Variants in CD47 observed in about 807,000 individuals in gnomAD.
CD47 encodes the protein CD47 molecule, also known as leukocyte surface antigen CD47.
Under a neutral mutation model 44.6 loss-of-function variants are expected in CD47, and 11 were observed. The ratio of observed to expected loss-of-function variants is 0.25; its 90% confidence interval spans 0.16 to 0.41. CD47 has a LOEUF of 0.41. Among genes scored for constraint, CD47 ranks in the 10% least tolerant of loss-of-function variants. The probability of loss-of-function intolerance (pLI) is 1.00; values close to 1 mark genes in which losing one functional copy is unlikely to be tolerated. For missense variants in CD47, 306 were observed against 386.7 expected (o/e 0.79, Z 1.75); for synonymous variants, 140 against 136.3 (o/e 1.03, Z -0.19).
chr3:108,084,613 C>G (rs2079482700), intron 1 of CD47, among the ~76,000 whole-genome samples: 1 of 152,090 alleles, frequency 6.6e-6, no homozygotes, highest in Non-Finnish European at 1.5e-5. Flanking sequence ...CTGTGCACTT[C>G]CACTTGGATG....
intron 3 of CD47, among the ~76,000 whole-genome samples, chr3:108,070,530 G>A (rs983352279): frequency 6.6e-6 from 1 of 152,154 alleles, no homozygotes; most frequent in East Asian, 1.9e-4. Context: ...GTCTGGTTAC[G>A]TTACTATTAT....
chr3:108,049,976 G>C (rs560943470), intron 9 of CD47, among the ~76,000 whole-genome samples: 1 of 152,180 alleles, frequency 6.6e-6, no homozygotes, highest in South Asian at 2.1e-4. Flanking sequence ...CTCTACTAGG[G>C]GGTGCCATGC....
chr3:108,077,829 T>C (rs59866026), intron 2 of CD47, among the ~76,000 whole-genome samples: 33,876 of 152,092 alleles, frequency 0.22, 3,897 homozygotes, highest in Admixed American at 0.25. Flanking sequence ...TATCATTCCA[T>C]TTATATAGCA....
chr3:108,075,744 A>C (rs1281360822), intron 2 of CD47, among the ~76,000 whole-genome samples: 1 of 152,238 alleles, frequency 6.6e-6, no homozygotes, highest in Non-Finnish European at 1.5e-5. Context: ...GATGTAATTA[A>C]GATCCCAAAT....
intron 4 of CD47, 35 bp from the exon 5 acceptor site, chr3:108,059,579 T>C: frequency 9.0e-7 from 1 of 1,108,702 alleles, no homozygotes; most frequent in East Asian, 2.7e-5. Context: ...AATATTTTCC[T>C]ACATACTTTT....
chr3:108,052,974 T>TA lies in CD47; in HGVS notation c.878-1005dup, dbSNP rs569316904. The TA allele has an allele frequency of 4.8e-4, 73 of 152,278 alleles. 1 individual carries two copies. The highest frequency in any genetic ancestry group is 1.5e-3 in the African/African-American group (62 of 41,342). The allele number at this position is 152,278 out of a possible 1,614,324, so 9.4% of individuals were successfully genotyped here. On this transcript the variant is annotated intron_variant, in intron 7 of 10. Coordinates refer to ENST00000361309, the MANE Select transcript of CD47 (RefSeq NM_001777.4). The stretch of plus-strand genomic sequence containing the variant: ...CAGAGCGAGACTCCATCTCAAAAAA[T>TA]AAAAAAACCCAAAAAAACAAATAAA...
rs2078676795 is a variant in CD47 at position 108,044,234 on chromosome 3, T to A, written c.*3054A>T. The A allele has an allele frequency of 6.6e-6, 1 of 152,530 alleles. No homozygotes were observed. Among genetic ancestry groups the A allele is most frequent in the Non-Finnish European group, 1.5e-5 (1 of 68,002 alleles). 9.4% of individuals were successfully genotyped at this position (152,530 alleles called of 1,614,324 possible). A position where few individuals can be genotyped will look rare whatever the true frequency, so the allele number is the denominator to read the frequency against. The stretch of plus-strand genomic sequence containing the variant: ...GTGTTTTGAGCTTTGTTAGTGCAAA[T>A]AACAATTTGGTGGTCACTTACTAAA... On this transcript the variant is annotated 3_prime_UTR_variant, in exon 11 of 11. Transcript: ENST00000361309.
intron 1 of CD47, among the ~76,000 whole-genome samples, chr3:108,089,211 C>CT (rs556127519): frequency 4.6e-5 from 7 of 150,724 alleles, no homozygotes; most frequent in Admixed American, 1.3e-4. Flanking sequence ...CTGTATTTTG[C>CT]TTTTTTTTTA....
At chr3:108,078,103 G>A (rs1453190801) in intron 2 of CD47, among the ~76,000 whole-genome samples, 1 of 151,986 alleles carries the variant, frequency 6.6e-6, no homozygotes, top group East Asian at 1.9e-4. Context: ...GGGGGGACTG[G>A]GTGAAGGGCA....
chr3:108,072,307 TCAGGTCA>T (rs1421577334), intron 2 of CD47, among the ~76,000 whole-genome samples: 1 of 152,178 alleles, frequency 6.6e-6, no homozygotes, highest in African/African-American at 2.4e-5. Flanking sequence ...GCACTATCTC[TCAGGTCA>T]CAGGTGAGGA....
At chr3:108,076,320 G>A (rs989623940) in intron 2 of CD47, among the ~76,000 whole-genome samples, 2 of 152,146 alleles carry the variant, frequency 1.3e-5, no homozygotes, top group African/African-American at 4.8e-5. Flanking sequence ...CAACACTGCG[G>A]AACTTGAACT....
At chr3:108,050,810 A>G in intron 8 of CD47, 1 of 525,016 alleles carries the variant, frequency 1.9e-6, no homozygotes, top group Non-Finnish European at 3.6e-6. Flanking sequence ...TAATAACTGT[A>G]TTATTCTCTT....
At chr3:108,090,438 C>A (rs912633411) in intron 1 of CD47, among the ~76,000 whole-genome samples, 1 of 152,234 alleles carries the variant, frequency 6.6e-6, no homozygotes, top group Middle Eastern at 3.2e-3. Context: ...CCCACTCTCC[C>A]TCCCTCAACC....
At chr3:108,053,744 C>G (rs540071896) in intron 7 of CD47, 1 of 152,300 alleles carries the variant, frequency 6.6e-6, no homozygotes, top group African/African-American at 2.4e-5. Flanking sequence ...GTGCCATGGG[C>G]GGCTTTAAAT....
In CD47 at chr3:108,090,956, C is replaced by T. The variant is rs1299563557; in HGVS notation, c.-48G>A. 2 of 1,346,802 alleles carry T rather than the reference C, an allele frequency of 1.5e-6. No individual in the cohort carries two copies. Among genetic ancestry groups the T allele is most frequent in the African/African-American group, 1.5e-5 (1 of 65,190 alleles). 83.4% of individuals were successfully genotyped at this position (1,346,802 alleles called of 1,614,324 possible). A position where few individuals can be genotyped will look rare whatever the true frequency, so the allele number is the denominator to read the frequency against. The stretch of plus-strand genomic sequence containing the variant: ...CCGCCGCCGCCGCAGGTGTCCGGAG[C>T]AGCAGCCGCCGCCGCCGTTACAGGC... On this transcript the variant is annotated 5_prime_UTR_variant, in exon 1 of 11. Transcript: ENST00000361309.
chr3:108,074,325 T>TA (rs2079264729), intron 2 of CD47, among the ~76,000 whole-genome samples: 2 of 152,018 alleles, frequency 1.3e-5, no homozygotes, highest in Admixed American at 1.3e-4. Context: ...CTTTTTTTTT[T>TA]ATTTTTGAGA....
At chr3:108,070,139 T>C (rs2079174535) in intron 3 of CD47, among the ~76,000 whole-genome samples, 2 of 152,150 alleles carry the variant, frequency 1.3e-5, no homozygotes, top group Admixed American at 6.6e-5. Flanking sequence ...CCACCATAGA[T>C]ATAGACAGCT....
chr3:108,072,196 C>T (rs924648647), intron 2 of CD47, among the ~76,000 whole-genome samples: 3 of 152,294 alleles, frequency 2.0e-5, no homozygotes, highest in East Asian at 1.9e-4. Flanking sequence ...CCGGAGTTTG[C>T]CTGTACAAGG....
At chr3:108,054,843 C>A (rs1559983729) in intron 7 of CD47, 1 of 152,084 alleles carries the variant, frequency 6.6e-6, no homozygotes, top group Admixed American at 6.6e-5. Context: ...TTACTGCTAC[C>A]AGATTGATTT....
Sources: allele counts gnomAD v4.1 joint callset (sites outside exome capture counted in the v4.1 genomes callset), GRCh38; gene constraint gnomAD v4.1.1; transcripts MANE v1.5; gene names NCBI Gene and HGNC (gene_info 2026-07-23, HGNC 2026-07-21).